The following SEMA4G variants were observed in gnomAD, a reference collection of about 807,000 sequenced individuals.
SEMA4G encodes the protein semaphorin-4G.
In SEMA4G, 59 loss-of-function variants were observed where a neutral mutation model predicts 81.2. That is an observed-to-expected ratio of 0.73 (90% CI 0.59 to 0.90). The LOEUF (loss-of-function observed/expected upper bound fraction) is 0.90. Among genes scored for constraint, SEMA4G ranks in the 40% least tolerant of loss-of-function variants. SEMA4G has a pLI of 0.00. For missense variants in SEMA4G, 952 were observed against 1,102.3 expected (o/e 0.86, Z 1.93); for synonymous variants, 404 against 433.9 (o/e 0.93, Z 0.86).
In SEMA4G at chr10:100,973,395, C is replaced by A; in HGVS notation, c.273+118C>A. ...TAGCCCCCTGGTCAGACAGCACTGC[C>A]CTTCCCAGCCCAGGTGTTCCTTGCA... On this transcript the variant is annotated intron_variant, in intron 2 of 13. Transcript: ENST00000370250. The surrounding 1 kb of genome is among the most constrained non-coding windows in gnomAD (Gnocchi z 5.5). The A allele has an allele frequency of 7.1e-7, 1 of 1,415,780 alleles. No homozygotes were observed. Among genetic ancestry groups the A allele is most frequent in the Non-Finnish European group, 9.7e-7 (1 of 1,029,740 alleles). The allele number at this position is 1,415,780 out of a possible 1,614,324, so 87.7% of individuals were successfully genotyped here. A position where few individuals can be genotyped will look rare whatever the true frequency, so the allele number is the denominator to read the frequency against.
At chr10:100,977,356 C>A (rs775388451) in intron 3 of SEMA4G, among the ~76,000 whole-genome samples, 4 of 152,012 alleles carry the variant, frequency 2.6e-5, no homozygotes, top group Non-Finnish European at 4.4e-5. Context: ...AGCTCTTGAA[C>A]CAGAGGTGGA....
downstream of SEMA4G, chr10:100,985,039 T>C (rs1851368804): frequency 2.3e-6 from 2 of 885,164 alleles, no homozygotes; most frequent in African/African-American, 1.7e-5. Flanking sequence ...TCCGTGGACA[T>C]TTCAGAGGGA....
exon 14 of SEMA4G, chr10:100,984,820 C>T (rs1851349496): frequency 1.3e-6 from 2 of 1,527,078 alleles, no homozygotes. Context: ...CTGCATCACT[C>T]CCCTCCTCTC....
At chr10:100,980,956 C>G in exon 12 of SEMA4G, 1 of 1,606,596 alleles carries the variant, frequency 6.2e-7, no homozygotes, top group South Asian at 1.1e-5. Context: ...CCCATGCCTG[C>G]GCAGCAGCCA....
chr10:100,980,872 C>T (rs1851036004), exon 12 of SEMA4G: 24 of 1,609,148 alleles, frequency 1.5e-5, no homozygotes, highest in African/African-American at 2.7e-5. Flanking sequence ...TACCACTCTC[C>T]AGCTGCTCCC....
rs758915194 is a variant in SEMA4G, at chr10:100,980,105, T to A, written c.1129-17T>A. 1.3e-5 allele frequency: 21 copies of A among 1,613,850 alleles called. No individual in the cohort carries two copies. The highest frequency in any genetic ancestry group is 2.2e-5 in the East Asian group (1 of 44,892). ...TGGTGGAGTCCCGAGGTTCACCACC[T>A]TCGTCCCCCACGCCAGTGTATCACA... On this transcript the variant is annotated splice_polypyrimidine_tract_variant and intron_variant, in intron 9 of 13. Transcript: ENST00000370250.
At chr10:100,976,102 T>C (rs1187289457) in intron 3 of SEMA4G, among the ~76,000 whole-genome samples, 1 of 151,862 alleles carries the variant, frequency 6.6e-6, no homozygotes, top group Admixed American at 6.6e-5. Flanking sequence ...TAGTGGCTTG[T>C]ACCAGGTGAG....
Position 100,973,030 on chromosome 10 carries a change from T to C in SEMA4G, c.118T>C (p.Tyr40His), listed in dbSNP as rs962113918. 2 of 1,614,082 alleles carry C rather than the reference T, an allele frequency of 1.2e-6. No homozygotes were observed. Among genetic ancestry groups the C allele is most frequent in the African/African-American group, 1.3e-5 (1 of 75,014 alleles). The change falls in exon 1 of 14, where the codon TAT becomes CAT. Residue 40 changes from tyrosine to histidine, a missense_variant. Tyr to His is a moderately conservative substitution (Grantham distance 83). Coordinates refer to ENST00000370250, the Ensembl canonical transcript of SEMA4G. The surrounding 1 kb of genome is among the most constrained non-coding windows in gnomAD (Gnocchi z 5.5). ...TGCCACCCCTCGGATGACCATACCCTATGAAGGTTAGACCCTCAACCTCAA... is the reference window on the plus strand; with the variant it reads ...TGCCACCCCTCGGATGACCATACCCCATGAAGGTTAGACCCTCAACCTCAA...
chr10:100,976,080 G>C (rs1185459187), intron 3 of SEMA4G, among the ~76,000 whole-genome samples: 1 of 152,034 alleles, frequency 6.6e-6, no homozygotes, highest in African/African-American at 2.4e-5. Flanking sequence ...TATGGAGACG[G>C]GGGACAGATG....
chr10:100,981,686 C>A, intron 13 of SEMA4G: 1 of 1,032,768 alleles, frequency 9.7e-7, no homozygotes, highest in Non-Finnish European at 1.4e-6. Context: ...TATTATTATC[C>A]CCATGAGGGA....
exon 14 of SEMA4G, chr10:100,984,308 C>A (rs1453609825): frequency 3.5e-6 from 5 of 1,438,838 alleles, no homozygotes; most frequent in African/African-American, 1.4e-5. Context: ...CCTCCTCAGT[C>A]TCCACAGACC....
upstream of SEMA4G, among the ~76,000 whole-genome samples, chr10:100,972,351 C>T (rs1173126249): frequency 6.6e-6 from 1 of 151,924 alleles, no homozygotes; most frequent in African/African-American, 2.4e-5. Flanking sequence ...TAAGTTCCAC[C>T]CCAGCCTCCT....
rs552634338 is a variant in SEMA4G at position 100,974,064 on chromosome 10, T to C, written c.336+455T>C. Among the ~76,000 whole-genome samples the C allele has an allele frequency of 1.5e-4, 22 of 151,558 alleles. No individual in the cohort carries two copies. The East Asian group carries it at 3.6e-3, about 25-fold the overall frequency. ...GTGCTGGGATTACAGATGTAAGCCA[T>C]TGCCCCCGGCATCTGGGCACAGTAC... On this transcript the variant is annotated intron_variant, in intron 3 of 13. Transcript: ENST00000370250.
rs1352343381 is a variant in SEMA4G, at chr10:100,973,228, C to A, written c.224C>A (p.Ala75Asp). The A allele has an allele frequency of 6.2e-7, 1 of 1,613,474 alleles. No individual in the cohort carries two copies. Among genetic ancestry groups the A allele is most frequent in the Non-Finnish European group, 8.5e-7 (1 of 1,180,018 alleles). Residue 75 changes from alanine to aspartate, a missense_variant, in exon 2 of 14, where the codon GCC becomes GAC. Physicochemically the swap from Ala to Asp is moderately radical, Grantham distance 126. Coordinates refer to ENST00000370250, the Ensembl canonical transcript of SEMA4G. The surrounding 1 kb of genome is among the most constrained non-coding windows in gnomAD (Gnocchi z 5.5). ...AGGCTGCTGGTGGGAGCCCGAGGTG[C>A]CCTGTTCTCTCTCAGTGCCAACGAC...
At chr10:100,974,909 C>T (rs1311998977) in intron 3 of SEMA4G, 4 of 440,174 alleles carry the variant, frequency 9.1e-6, no homozygotes, top group Non-Finnish European at 1.4e-5. Context: ...CCCAGGAGTT[C>T]GAGGCCAGCC....
At position 100,973,451 on chromosome 10, in the gene SEMA4G, C is replaced by A; in HGVS notation, c.274-96C>A. On this transcript the variant is annotated intron_variant, in intron 2 of 13. Transcript: ENST00000370250. The surrounding 1 kb of genome is among the most constrained non-coding windows in gnomAD (Gnocchi z 5.5). ...TGTTCCTCCTGAAATTGATCCCCAC[C>A]CCAATTTCCCCAACTCTGTGGGGTC... 2 of 1,432,572 alleles carry A rather than the reference C, an allele frequency of 1.4e-6. No homozygotes were observed. The highest frequency in any genetic ancestry group is 1.9e-6 in the Non-Finnish European group (2 of 1,030,166). 88.7% of individuals were successfully genotyped at this position (1,432,572 alleles called of 1,614,324 possible).
intron 13 of SEMA4G, chr10:100,981,659 T>C: frequency 7.7e-7 from 1 of 1,300,110 alleles, no homozygotes; most frequent in Admixed American, 1.9e-5. Context: ...ACAGCATTCT[T>C]ATGAGAAAGG....
At chr10:100,978,483 T>C in intron 5 of SEMA4G, 44 bp from the exon 7 acceptor site, 1 of 1,596,060 alleles carries the variant, frequency 6.3e-7, no homozygotes. Flanking sequence ...ATGTGCCCTG[T>C]TGAATATGAC....
Position 100,977,702 on chromosome 10 carries a change from AC to A in SEMA4G, c.408del (p.His136GlnfsTer68). 1 of 1,614,044 alleles carries A rather than the reference AC, an allele frequency of 6.2e-7. No homozygotes were observed. On this transcript the variant is annotated frameshift_variant, in exon 4 of 14. Transcript: ENST00000370250. LOFTEE classifies it high-confidence loss of function. Reference sequence around the variant, plus strand: ...ACCCACCTCTATGCATGTGGGACTCACGCCTTCCAGCCCCTCTGTGCAGCCA... The same window carrying A: ...ACCCACCTCTATGCATGTGGGACTCAGCCTTCCAGCCCCTCTGTGCAGCCA...
Sources: gnomAD v4.1 joint callset for allele counts (sites outside exome capture counted in the v4.1 genomes callset) on GRCh38, gnomAD v4.1.1 for gene constraint, Gnocchi (gnomAD v3.1) non-coding constraint, MANE v1.5 for transcripts, NCBI Gene and HGNC (gene_info 2026-07-23, HGNC 2026-07-21) for gene names.